The following KIAA0586 variants were observed in gnomAD, a reference collection of about 807,000 sequenced individuals.
The protein encoded by KIAA0586 is protein TALPID3.
Under a neutral mutation model 169.8 loss-of-function variants are expected in KIAA0586, and 144 were observed. The observed-to-expected ratio is 0.85, with a 90% CI of 0.74 to 0.97. KIAA0586 has a LOEUF of 0.97. Among genes scored for constraint, KIAA0586 ranks in the 50% least tolerant of loss-of-function variants. The pLI, the probability that KIAA0586 is intolerant of heterozygous loss-of-function variation, is 0.00. For synonymous variants in KIAA0586, 625 were observed against 612.4 expected, an observed-to-expected ratio of 1.02 and a Z score of -0.30; for missense variants, 1,854 against 1,823.0, an observed-to-expected ratio of 1.02 and a Z score of -0.31.
At chr14:58,503,746 T>C (rs982760397) in intron 27 of KIAA0586, among the ~76,000 whole-genome samples, 2 of 151,684 alleles carry the variant, frequency 1.3e-5, no homozygotes, top group Non-Finnish European at 2.9e-5. Flanking sequence ...GAATAAATGC[T>C]TGCCATGTGG....
intron 20 of KIAA0586, among the ~76,000 whole-genome samples, chr14:58,478,848 G>T (rs892680259): frequency 6.6e-6 from 1 of 152,052 alleles, no homozygotes; most frequent in Non-Finnish European, 1.5e-5. Flanking sequence ...TATGTAGCCC[G>T]TTGTTAGCTG....
intron 3 of KIAA0586, among the ~76,000 whole-genome samples, chr14:58,431,359 T>C (rs1234934078): frequency 2.0e-5 from 3 of 151,912 alleles, no homozygotes; most frequent in African/African-American, 7.3e-5. Flanking sequence ...AGCTCCCGGG[T>C]TCAAGCAATT....
chr14:58,559,264 CTTCTT>C, the KIAA0586 span, among the ~76,000 whole-genome samples: 41 of 152,300 alleles, frequency 2.7e-4, no homozygotes, highest in African/African-American at 9.6e-4. Flanking sequence ...CTGTAGCTCT[CTTCTT>C]TATGCGATTT....
At position 58,521,558 on chromosome 14, in the gene KIAA0586, A is replaced by G. The variant is rs142561141; in HGVS notation, c.4429+8931A>G. ...GCTGTAGTGCCCTCGAAATGTCAGC[A>G]TGTATCAGGAAACATGAAGGGGAAA... On this transcript the variant is annotated intron_variant, in intron 29 of 30. Transcript: ENST00000652326. 598 of 865,056 alleles carry G rather than the reference A, an allele frequency of 6.9e-4. 7 individuals are homozygous for G. The East Asian group carries it at 0.012, about 17-fold the overall frequency. 53.6% of individuals were successfully genotyped at this position (865,056 alleles called of 1,614,324 possible).
At chr14:58,438,024 G>A (rs909132193) in intron 4 of KIAA0586, among the ~76,000 whole-genome samples, 2 of 152,138 alleles carry the variant, frequency 1.3e-5, no homozygotes, top group African/African-American at 4.8e-5. Flanking sequence ...ATGCTGCTCC[G>A]AGGTAATGGA....
chr14:58,464,886 C>T (rs374478099), intron 14 of KIAA0586, among the ~76,000 whole-genome samples: 3 of 152,070 alleles, frequency 2.0e-5, no homozygotes, highest in African/African-American at 7.2e-5. Flanking sequence ...GAGATTTTAT[C>T]GCGCTACTCA....
chr14:58,478,073 G>A (rs2041778518), intron 20 of KIAA0586, among the ~76,000 whole-genome samples: 1 of 152,146 alleles, frequency 6.6e-6, no homozygotes, highest in Non-Finnish European at 1.5e-5. Flanking sequence ...AGGCTGGACT[G>A]CAGCGACATG....
intron 21 of KIAA0586, among the ~76,000 whole-genome samples, chr14:58,485,829 G>T (rs2042400894): frequency 6.6e-6 from 1 of 151,908 alleles, no homozygotes; most frequent in Non-Finnish European, 1.5e-5. Context: ...TATATACTCA[G>T]TTTGTGTGTG....
intron 26 of KIAA0586, among the ~76,000 whole-genome samples, chr14:58,498,488 T>C (rs1267140538): frequency 6.6e-6 from 1 of 152,218 alleles, no homozygotes; most frequent in African/African-American, 2.4e-5. Context: ...TTGAGTGTTT[T>C]AAATTGTAAT....
chr14:58,486,676 C>G (rs2141177231), intron 21 of KIAA0586, among the ~76,000 whole-genome samples: 1 of 152,292 alleles, frequency 6.6e-6, no homozygotes, highest in Admixed American at 6.5e-5. Context: ...AAACAAACAA[C>G]TACAAAATAC....
intron 29 of KIAA0586, among the ~76,000 whole-genome samples, chr14:58,523,772 T>C (rs2045384172): frequency 6.6e-6 from 1 of 150,982 alleles, no homozygotes; most frequent in Admixed American, 6.6e-5. Context: ...CTATATTGCC[T>C]AGGCTGGTCT....
At chr14:58,450,470 A>G in intron 7 of KIAA0586, 109 bp from the exon 8 acceptor site, 1 of 651,698 alleles carries the variant, frequency 1.5e-6, no homozygotes, top group South Asian at 2.0e-5. Context: ...TAATTTGTTC[A>G]TCATTTATAA....
intron 29 of KIAA0586, among the ~76,000 whole-genome samples, chr14:58,518,172 G>A (rs535365646): frequency 6.6e-6 from 1 of 152,136 alleles, no homozygotes; most frequent in South Asian, 2.1e-4. Context: ...TTCTTAATTA[G>A]CTTATACTAA....
intron 1 of KIAA0586, 106 bp downstream of exon 1, chr14:58,428,569 GTTTGAAAA>G: frequency 2.5e-6 from 2 of 790,578 alleles, no homozygotes; most frequent in South Asian, 2.0e-5. Context: ...TTGTACAGAT[GTTTGAAAA>G]CTGACCCTGT....
the KIAA0586 span, among the ~76,000 whole-genome samples, chr14:58,561,933 A>G: frequency 1.3e-5 from 2 of 152,226 alleles, no homozygotes; most frequent in Admixed American, 6.5e-5. Context: ...AGTACCATTT[A>G]TATTTTAAAT....
intron 27 of KIAA0586, among the ~76,000 whole-genome samples, chr14:58,502,292 C>T (rs1343308807): frequency 6.6e-6 from 1 of 152,136 alleles, no homozygotes; most frequent in Admixed American, 6.5e-5. Context: ...CACGCCGCCA[C>T]CTCGCCTGGC....
At chr14:58,512,382 G>A (rs1003292506) in intron 28 of KIAA0586, 140 bp from the exon 29 acceptor site, 9 of 527,082 alleles carry the variant, frequency 1.7e-5, no homozygotes, top group South Asian at 6.3e-5. Context: ...GTAGAAGTGC[G>A]AATAAATAAA....
At chr14:58,436,972 A>G (rs2037876612) in intron 4 of KIAA0586, among the ~76,000 whole-genome samples, 1 of 152,236 alleles carries the variant, frequency 6.6e-6, no homozygotes, top group African/African-American at 2.4e-5. Context: ...GATAAATGGC[A>G]AATCATTGAA....
chr14:58,548,073 G>A lies in KIAA0586; in HGVS notation c.*141G>A, dbSNP rs1351071393. 1.0e-6 allele frequency: 1 copy of A among 990,278 alleles called. No homozygotes were observed. The allele number at this position is 990,278 out of a possible 1,614,324, so 61.3% of individuals were successfully genotyped here. On this transcript the variant is annotated 3_prime_UTR_variant, in exon 31 of 31. Coordinates refer to ENST00000652326, the MANE Select transcript of KIAA0586 (RefSeq NM_001329943.3). Reference sequence around the variant, plus strand: ...CCAATATTTTAAAATAAAACAAAAAGCATAATTTGGGTATTTAAAGTTTTT... The same window carrying A: ...CCAATATTTTAAAATAAAACAAAAAACATAATTTGGGTATTTAAAGTTTTT...
Sources: gnomAD v4.1 joint callset for allele counts (sites outside exome capture counted in the v4.1 genomes callset) on GRCh38, gnomAD v4.1.1 for gene constraint, MANE v1.5 for transcripts, NCBI Gene and HGNC (gene_info 2026-07-23, HGNC 2026-07-21) for gene names.